Variants in HPR observed in about 807,000 individuals in gnomAD.
HPR encodes Haptoglobin-related locus.
A neutral mutation model predicts 18.5 loss-of-function variants in HPR; 17 were observed. The observed-to-expected ratio is 0.92, with a 90% confidence interval of 0.63 to 1.38. The LOEUF is 1.38. Among genes scored for constraint, HPR ranks in the 40% most tolerant of loss-of-function variants. The pLI is 0.00. For synonymous variants in HPR, 176 were observed against 165.0 expected, an observed-to-expected ratio of 1.07 and a Z score of -0.51; for missense variants, 457 against 432.4, an observed-to-expected ratio of 1.06 and a Z score of -0.51.
chr16:72,074,453 G>C (rs958394095), intron 3 of HPR, 68 bp downstream of exon 3: 3 of 1,331,974 alleles, frequency 2.3e-6, no homozygotes, highest in Non-Finnish European at 3.3e-6. Flanking sequence ...ATGATGGGTG[G>C]TGCTGAGGTG....
At position 72,067,466 on chromosome 16, in the gene HPR, G is replaced by A. The variant is rs138230207; in HGVS notation, c.5+4206G>A. On this transcript the variant is annotated intron_variant, in intron 1 of 4. Coordinates refer to ENST00000540303, the MANE Select transcript of HPR (RefSeq NM_020995.4). ...GAAGCAGCAACTAGTTTGTTAGGAAGAGACTTAATGTTAAAGTTAGGCATA... is the reference window on the plus strand; with the variant it reads ...GAAGCAGCAACTAGTTTGTTAGGAAAAGACTTAATGTTAAAGTTAGGCATA... Among the ~76,000 whole-genome samples, 776 of 152,140 alleles carry A rather than the reference G, an allele frequency of 5.1e-3. 7 individuals carry two copies. Among genetic ancestry groups the A allele is most frequent in the African/African-American group, 0.018 (738 of 41,406 alleles).
intron 1 of HPR, 125 bp from the exon 2 acceptor site, chr16:72,073,763 GGAGT>G: frequency 6.3e-7 from 1 of 1,584,962 alleles, no homozygotes; most frequent in Middle Eastern, 2.1e-4. Context: ...CTTAGTGGGA[GGAGT>G]GTGTGTGTAT....
chr16:72,065,134 C>T (rs919711586), intron 1 of HPR, among the ~76,000 whole-genome samples: 8 of 152,260 alleles, frequency 5.3e-5, no homozygotes, highest in Admixed American at 1.3e-4. Context: ...TTACCTCATA[C>T]GGCTTAGCCT....
intron 1 of HPR, among the ~76,000 whole-genome samples, chr16:72,071,915 A>G (rs1366811794): frequency 6.6e-6 from 1 of 152,218 alleles, no homozygotes; most frequent in Non-Finnish European, 1.5e-5. Context: ...TTAAGGCCCA[A>G]AATCAGACAA....
In HPR at chr16:72,076,758, A is replaced by T. The variant is rs768738364; in HGVS notation, c.724A>T (p.Met242Leu). ...ACTTACTGACCATCTGAAGTATGTC[A>T]TGCTGCCTGTGGCTGACCAATACGA... ...FKLTDHLKYV[M>L]LPVADQYDCI... Residue 242 changes from methionine (M) to leucine (L), a missense_variant, in exon 5 of 5, where the codon ATG becomes TTG. Met to Leu is a conservative substitution (Grantham distance 15). Coordinates refer to ENST00000540303, the MANE Select transcript of HPR (RefSeq NM_020995.4). The T allele has an allele frequency of 3.1e-6, 5 of 1,614,238 alleles. No homozygotes were observed. The South Asian group carries it at 5.5e-5, about 18-fold the overall frequency.
At chr16:72,063,827 C>T (rs1394285271) in intron 1 of HPR, among the ~76,000 whole-genome samples, 2 of 152,076 alleles carry the variant, frequency 1.3e-5, no homozygotes, top group Non-Finnish European at 2.9e-5. Flanking sequence ...ATCGCAACCT[C>T]CCCCTCCCCG....
chr16:72,068,607 G>A (rs2041622256), intron 1 of HPR, among the ~76,000 whole-genome samples: 1 of 152,180 alleles, frequency 6.6e-6, no homozygotes, highest in Non-Finnish European at 1.5e-5. Flanking sequence ...AAAATGGGGT[G>A]GCTTTAGGGG....
rs1231090148 is a variant in HPR, at chr16:72,076,343, G to C, written c.309G>C (p.Arg103=). 2 of 1,613,980 alleles carry C rather than the reference G, an allele frequency of 1.2e-6. No individual in the cohort carries two copies. Among genetic ancestry groups the C allele is most frequent in the Non-Finnish European group, 1.7e-6 (2 of 1,179,946 alleles). The change falls in exon 5 of 5, where the codon CGG becomes CGC. Residue 103 remains arginine (R), a synonymous_variant. Coordinates refer to ENST00000540303, the MANE Select transcript of HPR (RefSeq NM_020995.4). ...AGAATCCGGCAAACCCAGTGCAGCG[G>C]ATCCTGGGTGGACACCTGGATGCCA... ...KPKNPANPVQ[R]ILGGHLDAKG...
chr16:72,076,208 A>C, intron 4 of HPR, 95 bp from the exon 5 acceptor site: 2 of 1,577,020 alleles, frequency 1.3e-6, no homozygotes, highest in East Asian at 4.6e-5. Context: ...TTTCCAGTTT[A>C]TGCAGCAGTG....
rs2041704949 is a variant in HPR, at chr16:72,075,169, A to G, written c.218A>G (p.Lys73Arg). The G allele has an allele frequency of 4.2e-6, 6 of 1,416,840 alleles. No individual in the cohort carries two copies. The highest frequency in any genetic ancestry group is 2.8e-5 in the African/African-American group (2 of 71,302). The allele number at this position is 1,416,840 out of a possible 1,614,324, so 87.8% of individuals were successfully genotyped here. A position where few individuals can be genotyped will look rare whatever the true frequency, so the allele number is the denominator to read the frequency against. Residue 73 changes from lysine (K) to arginine (R), a missense_variant, in exon 4 of 5, where the codon AAG becomes AGG. Coordinates refer to ENST00000540303, the MANE Select transcript of HPR (RefSeq NM_020995.4). ...GDGVYTLNDK[K>R]QWINKAVGDK... ...GGAGTATACACCTTAAATGATAAGA[A>G]GCAGTGGATAAATAAGGCTGTTGGA...
chr16:72,070,392 C>T (rs2041641816), intron 1 of HPR, among the ~76,000 whole-genome samples: 1 of 152,190 alleles, frequency 6.6e-6, no homozygotes. Context: ...TTAGCGTCAG[C>T]CTGGAGACCA....
At chr16:72,070,238 T>C (rs1567589023) in intron 1 of HPR, among the ~76,000 whole-genome samples, 1 of 152,212 alleles carries the variant, frequency 6.6e-6, no homozygotes, top group Admixed American at 6.5e-5. Flanking sequence ...GATTGCCCTA[T>C]TTATACTCCA....
At chr16:72,072,728 C>G (rs1295481362) in intron 1 of HPR, among the ~76,000 whole-genome samples, 1 of 152,156 alleles carries the variant, frequency 6.6e-6, no homozygotes, top group African/African-American at 2.4e-5. Context: ...CAGCTCTCCC[C>G]AAAACCTCCC....
intron 1 of HPR, among the ~76,000 whole-genome samples, chr16:72,065,904 C>A (rs2041592926): frequency 6.6e-6 from 1 of 152,112 alleles, no homozygotes; most frequent in African/African-American, 2.4e-5. Flanking sequence ...CAATCCTAAC[C>A]CCCCTACTCC....
rs544442647 is a variant in HPR, at chr16:72,076,188, C to G, written c.269-115C>G. On this transcript the variant is annotated intron_variant, in intron 4 of 4. Coordinates refer to ENST00000540303, the MANE Select transcript of HPR (RefSeq NM_020995.4). Reference sequence around the variant, plus strand: ...AGATCAGCAGGTGGTAAGGACAAAGCATTTAAATCTTTCCAGTTTATGCAG... The same window carrying G: ...AGATCAGCAGGTGGTAAGGACAAAGGATTTAAATCTTTCCAGTTTATGCAG... 4.5e-6 allele frequency: 7 copies of G among 1,545,242 alleles called. No individual in the cohort carries two copies. The African/African-American group carries it at 8.1e-5, about 18-fold the overall frequency.
In HPR at chr16:72,073,983, T is replaced by C. The variant is rs746848775; in HGVS notation, c.91+6T>C. 6.2e-7 allele frequency: 1 copy of C among 1,613,988 alleles called. No individual in the cohort carries two copies. Among genetic ancestry groups the C allele is most frequent in the East Asian group, 2.2e-5 (1 of 44,810 alleles). ...TGATGTCACGGATATTTCAGGTCAG[T>C]CTTTGAGTTGGGTAGGAGCATGCAT... On this transcript the variant is annotated splice_donor_region_variant and intron_variant, in intron 2 of 4. Coordinates refer to ENST00000540303, the MANE Select transcript of HPR (RefSeq NM_020995.4).
Position 72,063,713 on chromosome 16 carries a change from AAG to A in HPR, c.5+455_5+456del, listed in dbSNP as rs1395531087. 4.6e-5 allele frequency among the ~76,000 whole-genome samples: 7 copies of A among 152,246 alleles called. No homozygotes were observed. The East Asian group carries it at 1.4e-3, about 29-fold the overall frequency. Reference sequence around the variant, plus strand: ...AGACACTTAGATCTTAAAAAATAAAAAGACTTTTTGAAATGTTGAAATAATAA... The same window carrying A: ...AGACACTTAGATCTTAAAAAATAAAAACTTTTTGAAATGTTGAAATAATAA... On this transcript the variant is annotated intron_variant, in intron 1 of 4. Coordinates refer to ENST00000540303, the MANE Select transcript of HPR (RefSeq NM_020995.4).
At chr16:72,064,512 TG>T (rs2041577216) in intron 1 of HPR, among the ~76,000 whole-genome samples, 1 of 152,184 alleles carries the variant, frequency 6.6e-6, no homozygotes, top group African/African-American at 2.4e-5. Context: ...TTCCCACCAG[TG>T]CAACCACATT....
intron 1 of HPR, among the ~76,000 whole-genome samples, chr16:72,067,096 T>C (rs1356034387): frequency 6.6e-6 from 1 of 152,112 alleles, no homozygotes; most frequent in Non-Finnish European, 1.5e-5. Context: ...GACAGCCCCC[T>C]TCAAAAGAGA....
Sources: allele counts gnomAD v4.1 joint callset (sites outside exome capture counted in the v4.1 genomes callset), GRCh38; gene constraint gnomAD v4.1.1; transcripts MANE v1.5; gene names NCBI Gene and HGNC (gene_info 2026-07-23, HGNC 2026-07-21).